The following STXBP5 variants were observed in gnomAD, a reference collection of about 807,000 sequenced individuals.
STXBP5 encodes syntaxin-binding protein 5.
STXBP5 carries 50 observed loss-of-function variants against 152.4 expected under a neutral mutation model. The ratio of observed to expected loss-of-function variants is 0.33; its 90% confidence interval spans 0.26 to 0.42. The LOEUF (loss-of-function observed/expected upper bound fraction) is 0.42. STXBP5 is among the 10% of genes least tolerant of loss of function. The probability of loss-of-function intolerance (pLI) is 1.00; values close to 1 mark genes in which losing one functional copy is unlikely to be tolerated. For missense variants in STXBP5, 1,167 were observed against 1,388.6 expected (o/e 0.84, Z 2.54); for synonymous variants, 492 against 494.7 (o/e 0.99, Z 0.07).
intron 2 of STXBP5, among the ~76,000 whole-genome samples, chr6:147,220,469 G>A (rs1050528873): frequency 1.3e-5 from 2 of 152,028 alleles, no homozygotes; most frequent in Non-Finnish European, 2.9e-5. Context: ...CTGATAGAGG[G>A]ATGTTAAAGT....
Position 147,324,960 on chromosome 6 carries a change from G to A in STXBP5, c.1804G>A (p.Val602Ile). 6.5e-7 allele frequency: 1 copy of A among 1,529,768 alleles called. No individual in the cohort carries two copies. Among genetic ancestry groups the A allele is most frequent in the South Asian group, 1.3e-5 (1 of 76,748 alleles). The allele number at this position is 1,529,768 out of a possible 1,614,324, so 94.8% of individuals were successfully genotyped here. ...GLRDNVPCLK[V>I]KNSPLKQSPG... ...ATACCATGTTTTCTTTTATTTTAGA[G>A]TTAAAAACTCACCACTTAAACAGTC... Residue 602 changes from valine (V) to isoleucine (I), a missense_variant and splice_region_variant, in exon 17 of 28, where the codon GTT (valine) becomes ATT (isoleucine). Physicochemically the swap from Val to Ile is conservative, Grantham distance 29. Coordinates refer to ENST00000321680, the MANE Select transcript of STXBP5 (RefSeq NM_001127715.4).
At chr6:147,213,477 T>TGTGTGTGTGTGCGCGCGCGC in intron 2 of STXBP5, among the ~76,000 whole-genome samples, 60 of 131,324 alleles carry the variant, frequency 4.6e-4, no homozygotes, top group African/African-American at 1.8e-3. Flanking sequence ...TGTGTGTGTG[T>TGTGTGTGTGTGCGCGCGCGC]GCGCGCGCAT....
At chr6:147,298,451 A>C (rs1421858792) in intron 9 of STXBP5, among the ~76,000 whole-genome samples, 2 of 152,082 alleles carry the variant, frequency 1.3e-5, no homozygotes, top group Admixed American at 1.3e-4. Context: ...GCAAAGAAAC[A>C]ATGGATTTAA....
At chr6:147,375,305 G>GT (rs1370951182) in intron 26 of STXBP5, among the ~76,000 whole-genome samples, 64 of 152,070 alleles carry the variant, frequency 4.2e-4, no homozygotes, top group Admixed American at 2.4e-3. Flanking sequence ...CCTGAACATT[G>GT]TATCAGGTAA....
In STXBP5 at chr6:147,325,020, G is replaced by T. The variant is rs1159915307; in HGVS notation, c.1864G>T (p.Val622Phe). ...TCAAACAGAACTAGTTATTCAGTTG[G>T]TTTGGGTGGGTGGAGAACCACCACA... ...GYQTELVIQL[V>F]WVGGEPPQQI... is the part of the protein sequence containing the mutation. Residue 622 changes from valine to phenylalanine, a missense_variant, in exon 17 of 28, where the codon GTT becomes TTT. By Grantham distance (50) the Val-to-Phe change is conservative. Transcript: ENST00000321680. The T allele has an allele frequency of 2.5e-6, 4 of 1,595,960 alleles. No homozygotes were observed. The highest frequency in any genetic ancestry group is 2.6e-6 in the Non-Finnish European group (3 of 1,168,836).
At chr6:147,358,822 A>C (rs934083432) in intron 22 of STXBP5, among the ~76,000 whole-genome samples, 3 of 152,130 alleles carry the variant, frequency 2.0e-5, no homozygotes, top group Non-Finnish European at 4.4e-5. Flanking sequence ...TCCATAGAGT[A>C]GACTGAAGAG....
rs377752104 is a variant in STXBP5 at position 147,324,238 on chromosome 6, T to C, written c.1803-721T>C. ...GTTTTTCGTTATGTTACTTCATGTT[T>C]TTAAGTTTTGTGGGGTTTTTTTTTG... On this transcript the variant is annotated intron_variant, in intron 16 of 27. Transcript: ENST00000321680. Among the ~76,000 whole-genome samples, 25 of 151,276 alleles carry C rather than the reference T, an allele frequency of 1.7e-4. No individual in the cohort carries two copies. The East Asian group carries it at 4.5e-3, about 27-fold the overall frequency.
chr6:147,219,137 G>A (rs1027217819), intron 2 of STXBP5, among the ~76,000 whole-genome samples: 2 of 152,132 alleles, frequency 1.3e-5, no homozygotes, highest in East Asian at 1.9e-4. Flanking sequence ...GTAGTTTACC[G>A]ACAGTGTTTA....
chr6:147,204,951 CTT>C lies in STXBP5; in HGVS notation c.150+271_150+272del, dbSNP rs1776463819. On this transcript the variant is annotated intron_variant, in intron 1 of 27. Coordinates refer to ENST00000321680, the MANE Select transcript of STXBP5 (RefSeq NM_001127715.4). This position sits in a 1 kb window ranked among gnomAD's most constrained non-coding sequence, Gnocchi z 4.3. The stretch of plus-strand genomic sequence containing the variant: ...AGGTTGCTTCAAACTATTATCCGAC[CTT>C]TAATCGTATTCTGACACTGCCAGTA... 6.6e-6 allele frequency among the ~76,000 whole-genome samples: 1 copy of C among 152,130 alleles called. No homozygotes were observed. Among genetic ancestry groups the C allele is most frequent in the African/African-American group, 2.4e-5 (1 of 41,418 alleles).
intron 18 of STXBP5, chr6:147,328,707 A>G (rs1783400812): frequency 2.1e-6 from 1 of 470,582 alleles, no homozygotes; most frequent in Non-Finnish European, 4.4e-6. Flanking sequence ...AGGTGTGCTG[A>G]TTGTGACTTC....
intron 21 of STXBP5, among the ~76,000 whole-genome samples, chr6:147,350,703 T>C (rs1207589779): frequency 2.0e-5 from 3 of 152,170 alleles, no homozygotes; most frequent in Admixed American, 2.0e-4. Flanking sequence ...TATTCGCAAG[T>C]ATAGTAGTAG....
At chr6:147,367,589 G>C (rs1785350017) in intron 25 of STXBP5, among the ~76,000 whole-genome samples, 3 of 152,112 alleles carry the variant, frequency 2.0e-5, no homozygotes, top group Admixed American at 1.3e-4. Flanking sequence ...AGTGAGCTGA[G>C]ATCACGCCAC....
intron 2 of STXBP5, among the ~76,000 whole-genome samples, chr6:147,221,473 TTTTG>T (rs1241532535): frequency 6.6e-6 from 1 of 152,076 alleles, no homozygotes; most frequent in East Asian, 1.9e-4. Flanking sequence ...TTTTGTCAGT[TTTTG>T]TTTGAGCAAG....
chr6:147,302,671 C>G (rs1325964393), intron 9 of STXBP5, among the ~76,000 whole-genome samples: 1 of 151,972 alleles, frequency 6.6e-6, no homozygotes, highest in Non-Finnish European at 1.5e-5. Flanking sequence ...AGAAATTAGC[C>G]AGGCATGGTG....
intron 8 of STXBP5, among the ~76,000 whole-genome samples, chr6:147,289,897 C>A (rs1781192077): frequency 6.6e-6 from 1 of 152,120 alleles, no homozygotes; most frequent in African/African-American, 2.4e-5. Flanking sequence ...AAAACAAATA[C>A]ACTAAAAATG....
At chr6:147,316,468 A>G in intron 16 of STXBP5, 61 bp downstream of exon 16, 1 of 1,351,610 alleles carries the variant, frequency 7.4e-7, no homozygotes, top group Non-Finnish European at 9.7e-7. Flanking sequence ...TATAAATTGT[A>G]AGCATTAGAG....
chr6:147,280,378 C>A (rs1562459144), intron 8 of STXBP5, among the ~76,000 whole-genome samples: 3 of 151,948 alleles, frequency 2.0e-5, no homozygotes, highest in Admixed American at 1.3e-4. Flanking sequence ...TTGATTTGTC[C>A]CATATTAGTG....
In STXBP5 at chr6:147,273,692, C is replaced by G. The variant is rs542479755; in HGVS notation, c.715-4389C>G. 3.3e-4 allele frequency among the ~76,000 whole-genome samples: 50 copies of G among 152,276 alleles called. 2 individuals are homozygous for G. The South Asian group carries it at 3.3e-3, about 10-fold the overall frequency. On this transcript the variant is annotated intron_variant, in intron 7 of 27. Coordinates refer to ENST00000321680, the MANE Select transcript of STXBP5 (RefSeq NM_001127715.4). Reference sequence around the variant, plus strand: ...TGATGCCGGGCGTGGTGGCTCACGCCTGTAATCCCAGCACTTTGGGAGGCC... The same window carrying G: ...TGATGCCGGGCGTGGTGGCTCACGCGTGTAATCCCAGCACTTTGGGAGGCC...
chr6:147,280,536 A>G (rs1178327733), intron 8 of STXBP5, among the ~76,000 whole-genome samples: 1 of 152,224 alleles, frequency 6.6e-6, no homozygotes, highest in Non-Finnish European at 1.5e-5. Flanking sequence ...AAGTTCCACA[A>G]GACTCTATGA....
Sources: gnomAD v4.1 joint callset for allele counts (sites outside exome capture counted in the v4.1 genomes callset) on GRCh38, gnomAD v4.1.1 for gene constraint, Gnocchi (gnomAD v3.1) non-coding constraint, MANE v1.5 for transcripts, NCBI Gene and HGNC (gene_info 2026-07-23, HGNC 2026-07-21) for gene names.